The following LRBA variants were observed in gnomAD, a reference collection of about 807,000 sequenced individuals.
The protein encoded by LRBA is LPS responsive beige-like anchor protein.
A neutral mutation model predicts 330.0 loss-of-function variants in LRBA; 176 were observed. That is an observed-to-expected ratio of 0.53 (90% CI 0.47 to 0.60). LRBA has a LOEUF of 0.60. LRBA is among the 20% of genes least tolerant of loss of function. The probability of loss-of-function intolerance (pLI) is 0.00; values close to 1 mark genes in which losing one functional copy is unlikely to be tolerated. For missense variants in LRBA, 3,259 were observed against 3,444.8 expected (o/e 0.95, Z 1.35); for synonymous variants, 1,230 against 1,193.0 (o/e 1.03, Z -0.64).
At chr4:150,450,099 T>A (rs1753162355) in intron 44 of LRBA, among the ~76,000 whole-genome samples, 1 of 151,770 alleles carries the variant, frequency 6.6e-6, no homozygotes, top group African/African-American at 2.4e-5. Flanking sequence ...ATAGAAAAAA[T>A]GCTGCAAGTA....
At chr4:150,528,057 A>T (rs1763656137) in intron 40 of LRBA, among the ~76,000 whole-genome samples, 1 of 152,188 alleles carries the variant, frequency 6.6e-6, no homozygotes. Context: ...TGATTCAGGA[A>T]TTCTTTAGGT....
intron 9 of LRBA, among the ~76,000 whole-genome samples, chr4:150,909,733 T>G (rs761763448): frequency 7.9e-5 from 12 of 152,168 alleles, no homozygotes; most frequent in Non-Finnish European, 1.6e-4. Context: ...TTGAGGAACC[T>G]CATATTGTTG....
chr4:150,997,671 A>G (rs1742822763), intron 2 of LRBA, among the ~76,000 whole-genome samples: 1 of 151,940 alleles, frequency 6.6e-6, no homozygotes, highest in African/African-American at 2.4e-5. Context: ...TGACTCCTTT[A>G]TATTATCCTA....
chr4:150,426,021 A>T (rs946885282), intron 46 of LRBA, among the ~76,000 whole-genome samples: 6 of 152,054 alleles, frequency 3.9e-5, no homozygotes, highest in Non-Finnish European at 8.8e-5. Context: ...ATATATTATA[A>T]AAATATAATG....
At chr4:150,626,127 C>T (rs1776838539) in intron 37 of LRBA, among the ~76,000 whole-genome samples, 1 of 152,106 alleles carries the variant, frequency 6.6e-6, no homozygotes, top group African/African-American at 2.4e-5. Flanking sequence ...TACTGAGCAG[C>T]TGTGGAAACT....
At chr4:150,492,673 G>A (rs1465729081) in intron 40 of LRBA, among the ~76,000 whole-genome samples, 1 of 152,050 alleles carries the variant, frequency 6.6e-6, no homozygotes, top group African/African-American at 2.4e-5. Context: ...AGTATCCAGT[G>A]ACTTCCCATG....
Position 150,639,845 on chromosome 4 carries a change from A to ATGTG in LRBA, c.5922-40715_5922-40714insCACA, listed in dbSNP as rs1561458364. Among the ~76,000 whole-genome samples, 18 of 62,250 alleles carry ATGTG rather than the reference A, an allele frequency of 2.9e-4. 3 individuals carry two copies. The highest frequency in any genetic ancestry group is 1.3e-3 in the African/African-American group (18 of 13,944). 40.8% of individuals were successfully genotyped at this position (62,250 alleles called of 152,430 possible). On this transcript the variant is annotated intron_variant, in intron 37 of 56. Transcript: ENST00000651943. ...TATATATATATATATATATATATATATATATATATATATATATATATATAT... is the reference window on the plus strand; with the variant it reads ...TATATATATATATATATATATATATATGTGTATATATATATATATATATATATAT...
chr4:150,509,628 T>G (rs1403758513), intron 40 of LRBA, among the ~76,000 whole-genome samples: 2 of 151,172 alleles, frequency 1.3e-5, no homozygotes, highest in African/African-American at 4.9e-5. Context: ...TTTTGTTTTG[T>G]TTTTTTAAAA....
At chr4:150,613,074 G>C (rs1441729750) in intron 37 of LRBA, among the ~76,000 whole-genome samples, 1 of 151,870 alleles carries the variant, frequency 6.6e-6, no homozygotes, top group Admixed American at 6.6e-5. Flanking sequence ...AGATATGAAA[G>C]ATAAGTTAGA....
rs549755406 is a variant in LRBA at position 150,273,335 on chromosome 4, C to T, written c.8468+4518G>A. ...AGCACTAGACATGGAAAGGAACAAC[C>T]GGTACCAGCCACTATGAAAACATAC... On this transcript the variant is annotated intron_variant, in intron 56 of 56. Transcript: ENST00000651943. Among the ~76,000 whole-genome samples the T allele has an allele frequency of 4.6e-5, 7 of 152,230 alleles. No individual in the cohort carries two copies. The South Asian group carries it at 6.2e-4, about 14-fold the overall frequency.
At chr4:150,675,270 T>C (rs1461623480) in intron 37 of LRBA, among the ~76,000 whole-genome samples, 4 of 152,160 alleles carry the variant, frequency 2.6e-5, no homozygotes, top group Non-Finnish European at 5.9e-5. Context: ...AATGCCTGGG[T>C]TCAAATGTTA....
intron 34 of LRBA, among the ~76,000 whole-genome samples, chr4:150,788,239 A>ATTT (rs377479266): frequency 8.1e-5 from 10 of 123,224 alleles, no homozygotes; most frequent in African/African-American, 3.1e-4. Flanking sequence ...CACCCGGTTA[A>ATTT]TTTTTTTTTT....
At chr4:150,761,944 C>T in intron 34 of LRBA, 97 bp from the exon 35 acceptor site, 1 of 680,640 alleles carries the variant, frequency 1.5e-6, no homozygotes. Context: ...ATATCAATTT[C>T]ATGCCTAACT....
chr4:150,830,757 CTTTT>C (rs57178610), intron 29 of LRBA, among the ~76,000 whole-genome samples: 2 of 81,980 alleles, frequency 2.4e-5, no homozygotes. Context: ...TACAGAGTTA[CTTTT>C]TTTTTTTTTT....
intron 51 of LRBA, among the ~76,000 whole-genome samples, chr4:150,312,304 C>T (rs1334569021): frequency 2.6e-5 from 4 of 151,772 alleles, no homozygotes; most frequent in African/African-American, 7.3e-5. Flanking sequence ...GTATGCATAC[C>T]CCTGGAGGTG....
chr4:150,547,269 C>T (rs1765961127), intron 40 of LRBA, among the ~76,000 whole-genome samples: 1 of 152,054 alleles, frequency 6.6e-6, no homozygotes, highest in African/African-American at 2.4e-5. Flanking sequence ...CCCTTACCTC[C>T]TTCCAACACT....
intron 41 of LRBA, among the ~76,000 whole-genome samples, 193 bp from the exon 42 acceptor site, chr4:150,488,027 A>T (rs1320598521): frequency 6.6e-6 from 1 of 151,622 alleles, no homozygotes; most frequent in Non-Finnish European, 1.5e-5. Flanking sequence ...TCACTTATAA[A>T]TTCTTTTACC....
intron 40 of LRBA, among the ~76,000 whole-genome samples, chr4:150,493,196 G>A (rs2152108027): frequency 6.6e-6 from 1 of 152,132 alleles, no homozygotes; most frequent in East Asian, 1.9e-4. Flanking sequence ...GTTCCCCAGG[G>A]TGGTCTTGAA....
intron 22 of LRBA, among the ~76,000 whole-genome samples, chr4:150,864,113 T>A (rs1334349715): frequency 6.6e-6 from 1 of 152,056 alleles, no homozygotes; most frequent in African/African-American, 2.4e-5. Context: ...AATTTTTGTA[T>A]TTTTAGTAGA....
Sources: gnomAD v4.1 joint callset for allele counts (sites outside exome capture counted in the v4.1 genomes callset) on GRCh38, gnomAD v4.1.1 for gene constraint, MANE v1.5 for transcripts, NCBI Gene and HGNC (gene_info 2026-07-23, HGNC 2026-07-21) for gene names.